Variants in POU6F2 observed in about 807,000 individuals in gnomAD.
POU6F2 encodes POU class 6 homeobox 2.
A neutral mutation model predicts 71.3 loss-of-function variants in POU6F2; 31 were observed. That is an observed-to-expected ratio of 0.43 (90% CI 0.33 to 0.59). The LOEUF is 0.59. Ranked by LOEUF, POU6F2 falls within the 20% of genes least tolerant of loss-of-function variation. The pLI is 0.04. For missense variants in POU6F2, 783 were observed against 856.8 expected (o/e 0.91, Z 1.07); for synonymous variants, 347 against 355.7 (o/e 0.98, Z 0.27).
rs200024011 is a variant in POU6F2, at chr7:39,406,745, G to C, written c.1113+5G>C. The C allele has an allele frequency of 2.0e-5, 32 of 1,613,184 alleles. No individual in the cohort carries two copies. Among genetic ancestry groups the C allele is most frequent in the South Asian group, 3.3e-5 (3 of 91,072 alleles). On this transcript the variant is annotated splice_donor_5th_base_variant and intron_variant, in intron 6 of 9. Coordinates refer to ENST00000518318, the MANE Select transcript of POU6F2 (RefSeq NM_001370959.1). ...GTTACTAATGCACAAGGACAGGTGA[G>C]TGGGAGATGGGAACAAGAGTGCATT...
intron 1 of POU6F2, among the ~76,000 whole-genome samples, chr7:39,041,801 A>G (rs1363091477): frequency 6.6e-6 from 1 of 151,940 alleles, no homozygotes; most frequent in East Asian, 1.9e-4. Flanking sequence ...CTAGGACATT[A>G]TTAGATGATA....
At chr7:39,209,637 G>A (rs1794099126) in intron 4 of POU6F2, among the ~76,000 whole-genome samples, 1 of 152,158 alleles carries the variant, frequency 6.6e-6, no homozygotes, top group South Asian at 2.1e-4. Flanking sequence ...AAAGTCTCAT[G>A]CCTCAAAAGT....
intron 4 of POU6F2, among the ~76,000 whole-genome samples, chr7:39,216,995 A>G (rs1238851604): frequency 6.6e-6 from 1 of 152,202 alleles, no homozygotes; most frequent in African/African-American, 2.4e-5. Flanking sequence ...TATATAACAA[A>G]GTATTACTGG....
At chr7:38,980,545 T>C (rs1788291564) in intron 1 of POU6F2, among the ~76,000 whole-genome samples, 1 of 152,220 alleles carries the variant, frequency 6.6e-6, no homozygotes, top group Non-Finnish European at 1.5e-5. Flanking sequence ...TTTTTATTGC[T>C]CTGCTGTCAC....
intron 2 of POU6F2, among the ~76,000 whole-genome samples, chr7:39,130,767 C>A (rs1261374025): frequency 6.6e-6 from 1 of 151,884 alleles, no homozygotes; most frequent in African/African-American, 2.4e-5. Context: ...TTTTTGGATG[C>A]TAAGTAGAGT....
intron 1 of POU6F2, among the ~76,000 whole-genome samples, chr7:38,997,750 G>T (rs1584487821): frequency 1.3e-5 from 2 of 152,156 alleles, no homozygotes; most frequent in East Asian, 3.9e-4. Context: ...GATACAACAA[G>T]GTCCCAGCTG....
chr7:39,015,456 TTA>T (rs1251370369), intron 1 of POU6F2, among the ~76,000 whole-genome samples: 5 of 125,022 alleles, frequency 4.0e-5, no homozygotes, highest in African/African-American at 1.5e-4. Flanking sequence ...ATATATATTA[TTA>T]TATATAGATA....
chr7:39,084,603 G>A (rs1333916387), intron 1 of POU6F2, among the ~76,000 whole-genome samples: 1 of 152,122 alleles, frequency 6.6e-6, no homozygotes, highest in Non-Finnish European at 1.5e-5. Context: ...AATGGTATGA[G>A]TATTGACTAA....
At chr7:39,297,196 TACACAC>T (rs61192418) in intron 4 of POU6F2, among the ~76,000 whole-genome samples, 7,530 of 139,076 alleles carry the variant, frequency 0.054, 262 homozygotes, top group South Asian at 0.19. Flanking sequence ...CACATACACA[TACACAC>T]ACACACACAC....
chr7:39,138,338 T>C (rs932036172), intron 2 of POU6F2, among the ~76,000 whole-genome samples: 1 of 152,202 alleles, frequency 6.6e-6, no homozygotes, highest in African/African-American at 2.4e-5. Context: ...CCCTGGATCA[T>C]GGATCAGTAC....
At chr7:39,144,242 G>A (rs970510299) in intron 2 of POU6F2, among the ~76,000 whole-genome samples, 2 of 152,168 alleles carry the variant, frequency 1.3e-5, no homozygotes, top group African/African-American at 4.8e-5. Flanking sequence ...ATGATAAGAA[G>A]TATTGAGATC....
At chr7:39,047,975 A>AT (rs1405682726) in intron 1 of POU6F2, among the ~76,000 whole-genome samples, 1 of 151,764 alleles carries the variant, frequency 6.6e-6, no homozygotes, top group African/African-American at 2.4e-5. Flanking sequence ...CTGCAATTTT[A>AT]TTTTTTTATG....
intron 4 of POU6F2, among the ~76,000 whole-genome samples, chr7:39,253,682 C>T (rs1488258629): frequency 6.6e-6 from 1 of 152,016 alleles, no homozygotes; most frequent in African/African-American, 2.4e-5. Context: ...AGTGGAGGGT[C>T]GGGTAGAGGA....
At chr7:39,367,850 A>G (rs1322969967) in intron 5 of POU6F2, among the ~76,000 whole-genome samples, 4 of 152,160 alleles carry the variant, frequency 2.6e-5, no homozygotes, top group Admixed American at 6.5e-5. Flanking sequence ...GAGATCTTCT[A>G]TGGTGATCTG....
chr7:39,094,978 T>A (rs751633074), intron 2 of POU6F2, among the ~76,000 whole-genome samples: 9 of 152,134 alleles, frequency 5.9e-5, no homozygotes, highest in Non-Finnish European at 8.8e-5. Context: ...AATAGAAATG[T>A]GTCAGAAAGG....
intron 4 of POU6F2, among the ~76,000 whole-genome samples, chr7:39,222,788 C>T (rs1794396250): frequency 6.6e-6 from 1 of 152,184 alleles, no homozygotes; most frequent in Non-Finnish European, 1.5e-5. Context: ...TATAGCTACT[C>T]ATCTGTGGAA....
chr7:39,040,088 G>A (rs62442165), intron 1 of POU6F2, among the ~76,000 whole-genome samples: 2 of 1,852 alleles, frequency 1.1e-3, no homozygotes, highest in African/African-American at 4.8e-3. Flanking sequence ...ACATATATAT[G>A]TATTATATAT....
At chr7:39,356,149 G>A (rs1044409243) in intron 5 of POU6F2, among the ~76,000 whole-genome samples, 1 of 152,210 alleles carries the variant, frequency 6.6e-6, no homozygotes, top group Non-Finnish European at 1.5e-5. Context: ...GCAAACCACT[G>A]TCAAGTTAAT....
intron 4 of POU6F2, among the ~76,000 whole-genome samples, chr7:39,283,498 A>G (rs1357596014): frequency 6.6e-6 from 1 of 152,176 alleles, no homozygotes; most frequent in African/African-American, 2.4e-5. Context: ...TACTCTAGGT[A>G]TCTCATGTAA....
Sources: gnomAD v4.1 joint callset for allele counts (sites outside exome capture counted in the v4.1 genomes callset) on GRCh38, gnomAD v4.1.1 for gene constraint, MANE v1.5 for transcripts, NCBI Gene and HGNC (gene_info 2026-07-23, HGNC 2026-07-21) for gene names.